The following SFMBT2 variants were observed in gnomAD, a reference collection of about 807,000 sequenced individuals.
The protein encoded by SFMBT2 is scm-like with four MBT domains protein 2.
In SFMBT2, 38 loss-of-function variants were observed where a neutral mutation model predicts 110.1. That is an observed-to-expected ratio of 0.35 (90% CI 0.27 to 0.45). The LOEUF is 0.45. Among genes scored for constraint, SFMBT2 ranks in the 20% least tolerant of loss-of-function variants. SFMBT2 has a pLI of 1.00. For synonymous variants in SFMBT2, 425 were observed against 425.4 expected, an observed-to-expected ratio of 1.00 and a Z score of 0.01; for missense variants, 1,011 against 1,094.9, an observed-to-expected ratio of 0.92 and a Z score of 1.08.
intron 4 of SFMBT2, among the ~76,000 whole-genome samples, chr10:7,342,469 T>C (rs934423107): frequency 1.5e-4 from 20 of 130,594 alleles, no homozygotes; most frequent in South Asian, 5.2e-4. Flanking sequence ...AGTGCAGTGG[T>C]GCAATCTCGG....
intron 14 of SFMBT2, among the ~76,000 whole-genome samples, chr10:7,198,523 A>G (rs878894058): frequency 6.6e-6 from 1 of 152,220 alleles, no homozygotes; most frequent in Non-Finnish European, 1.5e-5. Context: ...CACTCTTGTT[A>G]GCACCATGGA....
chr10:7,331,222 C>G (rs1371391625), intron 4 of SFMBT2, among the ~76,000 whole-genome samples: 1 of 152,148 alleles, frequency 6.6e-6, no homozygotes, highest in African/African-American at 2.4e-5. Flanking sequence ...AGGCTAAGAC[C>G]TTCTCTCTGC....
chr10:7,331,027 T>C (rs1843546139), intron 4 of SFMBT2, among the ~76,000 whole-genome samples: 1 of 152,236 alleles, frequency 6.6e-6, no homozygotes. Context: ...CCTCAATGCC[T>C]GGCCTAGCAC....
At chr10:7,179,391 G>GAAAAAAAAAAAAAA (rs57497418) in intron 16 of SFMBT2, among the ~76,000 whole-genome samples, 34 of 70,300 alleles carry the variant, frequency 4.8e-4, no homozygotes, top group East Asian at 8.5e-4. Context: ...TTGCATTTTC[G>GAAAAAAAAAAAAAA]AAAAAAAAAA....
chr10:7,357,907 T>C (rs1844571570), intron 4 of SFMBT2, among the ~76,000 whole-genome samples: 1 of 152,000 alleles, frequency 6.6e-6, no homozygotes, highest in Non-Finnish European at 1.5e-5. Flanking sequence ...GGCACAGCCC[T>C]GGAGTGAAAC....
rs928619473 is a variant in SFMBT2, at chr10:7,345,976, A to G, written c.436+21673T>C. ...GACTCTGGAATAACGGGTCACTGCT[A>G]TTTCGCAGAGCACTCGGTTGCTACC... On this transcript the variant is annotated intron_variant, in intron 4 of 20. Coordinates refer to ENST00000397167, the MANE Select transcript of SFMBT2 (RefSeq NM_001387889.1). Among the ~76,000 whole-genome samples, 5 of 152,190 alleles carry G rather than the reference A, an allele frequency of 3.3e-5. No individual in the cohort carries two copies. The East Asian group carries it at 9.6e-4, about 29-fold the overall frequency.
chr10:7,371,912 C>T (rs4748876), intron 2 of SFMBT2, among the ~76,000 whole-genome samples: 14,134 of 146,410 alleles, frequency 0.097, 872 homozygotes, highest in African/African-American at 0.17. Flanking sequence ...ACTTTTTGTC[C>T]ACCTGTAATT....
intron 8 of SFMBT2, among the ~76,000 whole-genome samples, chr10:7,247,097 A>G (rs947408108): frequency 6.6e-6 from 1 of 152,152 alleles, no homozygotes; most frequent in Non-Finnish European, 1.5e-5. Flanking sequence ...TTAAATATTT[A>G]AAGTTTCTTT....
chr10:7,188,872 G>A, intron 15 of SFMBT2, 139 bp from the exon 16 acceptor site: 3 of 668,986 alleles, frequency 4.5e-6, no homozygotes, highest in Non-Finnish European at 7.3e-6. Context: ...ACGTGATTAA[G>A]TCTGATAGAA....
chr10:7,188,751 A>T lies in SFMBT2; in HGVS notation c.1699-18T>A. On this transcript the variant is annotated intron_variant, in intron 15 of 20. Transcript: ENST00000397167. ...CTAAGAACCTTTTGGGGAAAAAAAT[A>T]AGCAGACTGAGCTGCAATTGCATTC... The T allele has an allele frequency of 6.3e-7, 1 of 1,595,922 alleles. No individual in the cohort carries two copies. Among genetic ancestry groups the T allele is most frequent in the Non-Finnish European group, 8.6e-7 (1 of 1,165,820 alleles).
intron 4 of SFMBT2, among the ~76,000 whole-genome samples, chr10:7,348,593 AC>A (rs998505888): frequency 1.3e-5 from 2 of 152,232 alleles, no homozygotes; most frequent in Non-Finnish European, 2.9e-5. Flanking sequence ...CCTTGGAAAT[AC>A]AGGTTGGCTA....
intron 16 of SFMBT2, among the ~76,000 whole-genome samples, chr10:7,179,724 C>T (rs1838190142): frequency 6.6e-6 from 1 of 152,210 alleles, no homozygotes. Flanking sequence ...TGACGAAGCA[C>T]ACACACGCGC....
intron 4 of SFMBT2, among the ~76,000 whole-genome samples, chr10:7,337,990 C>CTT (rs1168919253): frequency 2.0e-5 from 3 of 152,212 alleles, no homozygotes; most frequent in African/African-American, 7.2e-5. Context: ...TAACTCAGAG[C>CTT]TTTTCACTGA....
At position 7,401,239 on chromosome 10, in the gene SFMBT2, C is replaced by T. The variant is rs1416344580; in HGVS notation, c.-52+9622G>A. On this transcript the variant is annotated intron_variant, in intron 1 of 20. Coordinates refer to ENST00000397167, the MANE Select transcript of SFMBT2 (RefSeq NM_001387889.1). The stretch of plus-strand genomic sequence containing the variant: ...CTTGGGACCTTAAAAGGCTCCTTTT[C>T]ATTAGGTCAATGGGAAAATTAAGGC... Among the ~76,000 whole-genome samples, 6 of 152,186 alleles carry T rather than the reference C, an allele frequency of 3.9e-5. No homozygotes were observed. In the East Asian group the frequency reaches 1.2e-3, roughly 29 times the overall value.
rs1414108064 is a variant in SFMBT2 at position 7,172,583 on chromosome 10, G to A, written c.2063C>T (p.Pro688Leu). 1.8e-5 allele frequency: 29 copies of A among 1,614,120 alleles called. No individual in the cohort carries two copies. The highest frequency in any genetic ancestry group is 2.4e-5 in the Non-Finnish European group (28 of 1,180,054). ...TTTCCGTCGCTTCCTCCGCCTGGCG[G>A]GTTTGGGGTGTCCGCTGTCGGGGTT... is the stretch of plus-strand genomic sequence containing the variant. ...ESNPDSGHPKPARRRKRRKSI... is the reference protein window; with the variant it reads ...ESNPDSGHPKLARRRKRRKSI... The change falls in exon 18 of 21, where the codon CCC (proline) becomes CTC (leucine). Residue 688 changes from proline (P) to leucine (L), a missense_variant. Around this residue, in one of 2 missense-constraint regions of SFMBT2, gnomAD observed 979 missense variants for 1,016.1 expected, o/e 0.96. Coordinates refer to ENST00000397167, the MANE Select transcript of SFMBT2 (RefSeq NM_001387889.1). This position sits in a 1 kb window ranked among gnomAD's most constrained non-coding sequence, Gnocchi z 4.6.
At chr10:7,329,094 A>G (rs886352608) in intron 4 of SFMBT2, among the ~76,000 whole-genome samples, 62 of 152,356 alleles carry the variant, frequency 4.1e-4, no homozygotes, top group African/African-American at 1.5e-3. Flanking sequence ...TTTTGTAAGC[A>G]ACAGATATAC....
At chr10:7,345,807 G>A (rs999886325) in intron 4 of SFMBT2, among the ~76,000 whole-genome samples, 5 of 152,112 alleles carry the variant, frequency 3.3e-5, no homozygotes, top group African/African-American at 4.8e-5. Context: ...GGTCTTAACC[G>A]AGTGTTCTAG....
chr10:7,407,878 C>T (rs1020519905), intron 1 of SFMBT2, among the ~76,000 whole-genome samples: 1 of 152,160 alleles, frequency 6.6e-6, no homozygotes, highest in Non-Finnish European at 1.5e-5. Flanking sequence ...CGGCTTTTCG[C>T]GCATCCAGGT....
intron 4 of SFMBT2, among the ~76,000 whole-genome samples, chr10:7,288,560 G>T (rs1452547942): frequency 6.6e-6 from 1 of 152,048 alleles, no homozygotes. Context: ...TTTAAAAGTG[G>T]CCCTCTTGCA....
Sources: allele counts gnomAD v4.1 joint callset (sites outside exome capture counted in the v4.1 genomes callset), GRCh38; gene constraint gnomAD v4.1.1; regional missense constraint gnomAD v4.1.1; non-coding constraint Gnocchi (gnomAD v3.1); transcripts MANE v1.5; gene names NCBI Gene and HGNC (gene_info 2026-07-23, HGNC 2026-07-21).